SORCS2: variants seen among roughly 807,000 people sequenced by gnomAD.
SORCS2 encodes sortilin related VPS10 domain containing receptor 2.
In SORCS2, 100 loss-of-function variants were observed where a neutral mutation model predicts 141.6. The ratio of observed to expected loss-of-function variants is 0.71; its 90% CI spans 0.60 to 0.83. The LOEUF (loss-of-function observed/expected upper bound fraction) is 0.83. Ranked by LOEUF, SORCS2 falls within the 40% of genes least tolerant of loss-of-function variation. The pLI is 0.00. For missense variants in SORCS2, 1,646 were observed against 1,560.2 expected (o/e 1.05, Z -0.93); for synonymous variants, 789 against 676.9 (o/e 1.17, Z -2.57).
intron 1 of SORCS2, among the ~76,000 whole-genome samples, chr4:7,249,058 C>G (rs28623262): frequency 0.096 from 14,678 of 152,272 alleles, 929 homozygotes; most frequent in African/African-American, 0.19. Flanking sequence ...GCTGCAGTAA[C>G]AAACAGCCCC....
At chr4:7,384,794 G>A (rs1017799344) in intron 1 of SORCS2, among the ~76,000 whole-genome samples, 2 of 152,228 alleles carry the variant, frequency 1.3e-5, no homozygotes, top group Non-Finnish European at 2.9e-5. Flanking sequence ...GCTTGCCCAG[G>A]ACTGCACAGC....
chr4:7,295,537 G>C (rs974570617), intron 1 of SORCS2, among the ~76,000 whole-genome samples: 1 of 152,162 alleles, frequency 6.6e-6, no homozygotes, highest in African/African-American at 2.4e-5. Flanking sequence ...GCCGAGAGGG[G>C]CCAGAGCCCT....
intron 2 of SORCS2, among the ~76,000 whole-genome samples, chr4:7,521,397 G>T (rs537640911): frequency 6.6e-6 from 1 of 152,116 alleles, no homozygotes; most frequent in Non-Finnish European, 1.5e-5. Flanking sequence ...CCTCGCTGGC[G>T]CCTGATGCCC....
chr4:7,364,968 C>G (rs1355238353), intron 1 of SORCS2, among the ~76,000 whole-genome samples: 1 of 152,232 alleles, frequency 6.6e-6, no homozygotes, highest in African/African-American at 2.4e-5. Flanking sequence ...CCCTTTGTGT[C>G]TCCAGGATCT....
chr4:7,400,295 G>A lies in SORCS2; in HGVS notation c.548+3940G>A, dbSNP rs1306162958. ...GTGCATGCTACGGCTGCTGCCTGGA[G>A]TGCATGTGGCACCAACCCCAGGTAC... On this transcript the variant is annotated intron_variant, in intron 2 of 26. Transcript: ENST00000507866. Among the ~76,000 whole-genome samples the A allele has an allele frequency of 2.0e-5, 3 of 152,176 alleles. No individual in the cohort carries two copies. The East Asian group carries it at 5.8e-4, about 29-fold the overall frequency.
intron 2 of SORCS2, among the ~76,000 whole-genome samples, chr4:7,485,607 G>T (rs936906415): frequency 6.6e-6 from 1 of 152,236 alleles, no homozygotes; most frequent in Non-Finnish European, 1.5e-5. Flanking sequence ...TGGAAAACAC[G>T]GGAAGGAAAC....
chr4:7,390,271 AGTCT>A (rs890514494), intron 1 of SORCS2, among the ~76,000 whole-genome samples: 1 of 152,054 alleles, frequency 6.6e-6, no homozygotes, highest in African/African-American at 2.4e-5. Context: ...ATTGGGCCTG[AGTCT>A]GTCTGTCTTT....
intron 1 of SORCS2, among the ~76,000 whole-genome samples, chr4:7,335,518 C>T (rs1000050793): frequency 6.6e-6 from 1 of 152,210 alleles, no homozygotes; most frequent in Non-Finnish European, 1.5e-5. Context: ...CCTGCCCCGC[C>T]TCTTGCTCCG....
At chr4:7,735,966 A>T (rs929477031) in intron 25 of SORCS2, among the ~76,000 whole-genome samples, 7 of 152,160 alleles carry the variant, frequency 4.6e-5, no homozygotes, top group Non-Finnish European at 1.0e-4. Flanking sequence ...AAGCAGCTTA[A>T]AGTTGGTGCT....
chr4:7,640,035 G>A (rs1055170889), intron 4 of SORCS2, among the ~76,000 whole-genome samples: 65 of 139,944 alleles, frequency 4.6e-4, no homozygotes, highest in African/African-American at 1.6e-3. Flanking sequence ...GTACGTGAGT[G>A]TGCATGTGTG....
chr4:7,650,433 C>G (rs1028790981), intron 4 of SORCS2, among the ~76,000 whole-genome samples: 1 of 152,168 alleles, frequency 6.6e-6, no homozygotes, highest in South Asian at 2.1e-4. Flanking sequence ...TCCCTCAAAG[C>G]GGGAGGCCAG....
intron 3 of SORCS2, among the ~76,000 whole-genome samples, chr4:7,559,471 G>T (rs1714374046): frequency 6.6e-6 from 1 of 152,160 alleles, no homozygotes; most frequent in Admixed American, 6.5e-5. Context: ...CGACCCCGTT[G>T]GTGGGTGTGT....
intron 1 of SORCS2, among the ~76,000 whole-genome samples, chr4:7,239,592 G>A (rs1476713885): frequency 1.3e-5 from 2 of 152,232 alleles, no homozygotes; most frequent in African/African-American, 4.8e-5. Context: ...AGGGAGGGCT[G>A]GTTTGTTTGC....
At chr4:7,445,296 G>A (rs1727915707) in intron 2 of SORCS2, among the ~76,000 whole-genome samples, 1 of 152,170 alleles carries the variant, frequency 6.6e-6, no homozygotes, top group Admixed American at 6.5e-5. Flanking sequence ...TCTGGCTGGT[G>A]TTTGAGGTTC....
At chr4:7,406,730 T>C (rs1724992818) in intron 2 of SORCS2, among the ~76,000 whole-genome samples, 1 of 152,012 alleles carries the variant, frequency 6.6e-6, no homozygotes, top group Admixed American at 6.6e-5. Flanking sequence ...ATTTCATTTA[T>C]TTCTGCTCCG....
intron 11 of SORCS2, among the ~76,000 whole-genome samples, chr4:7,696,386 T>G (rs1724709855): frequency 6.6e-6 from 1 of 152,152 alleles, no homozygotes; most frequent in African/African-American, 2.4e-5. Flanking sequence ...AGGATGCTGG[T>G]TAGGGTGGGC....
Position 7,718,011 on chromosome 4 carries a change from G to C in SORCS2, c.2253-1G>C, listed in dbSNP as rs1361985214. On this transcript the variant is annotated splice_acceptor_variant, in intron 17 of 26. Coordinates refer to ENST00000507866, the MANE Select transcript of SORCS2 (RefSeq NM_020777.3). LOFTEE classifies it high-confidence loss of function. Reference sequence around the variant, plus strand: ...ACCCTGACCCTCTCTTGTCAATCCAGGTACCGGAAAGTGGTGTCCAACGTG... The same window carrying C: ...ACCCTGACCCTCTCTTGTCAATCCACGTACCGGAAAGTGGTGTCCAACGTG... 3 of 1,600,776 alleles carry C rather than the reference G, an allele frequency of 1.9e-6. No individual in the cohort carries two copies. The highest frequency in any genetic ancestry group is 2.6e-6 in the Non-Finnish European group (3 of 1,173,176).
intron 10 of SORCS2, among the ~76,000 whole-genome samples, chr4:7,683,926 G>A (rs1301664507): frequency 6.6e-6 from 1 of 152,240 alleles, no homozygotes; most frequent in Non-Finnish European, 1.5e-5. Flanking sequence ...TGGTGAGGAA[G>A]GAGAGACAGA....
chr4:7,209,565 A>G (rs1727938859), intron 1 of SORCS2, among the ~76,000 whole-genome samples: 1 of 151,616 alleles, frequency 6.6e-6, no homozygotes, highest in African/African-American at 2.4e-5. Flanking sequence ...CCCTTCGTAG[A>G]CTGTTTTTGG....
Sources: allele counts gnomAD v4.1 joint callset (sites outside exome capture counted in the v4.1 genomes callset), GRCh38; gene constraint gnomAD v4.1.1; transcripts MANE v1.5; gene names NCBI Gene and HGNC (gene_info 2026-07-23, HGNC 2026-07-21).